The following ZNF273 variants were observed in gnomAD, a reference collection of about 807,000 sequenced individuals.
ZNF273 encodes the protein zinc finger protein 273, also known as zinc finger protein 9.
In ZNF273, 11 loss-of-function variants were observed where a neutral mutation model predicts 14.9. That is an observed-to-expected ratio of 0.74 (90% confidence interval 0.46 to 1.22). The LOEUF (loss-of-function observed/expected upper bound fraction) is 1.22, where lower values mean the gene tolerates loss of function less well. ZNF273 is among the 50% of genes most tolerant of loss of function. The pLI, the probability that ZNF273 is intolerant of heterozygous loss-of-function variation, is 0.00. For missense variants in ZNF273, 577 were observed against 660.6 expected (o/e 0.87, Z 1.39); for synonymous variants, 199 against 223.9 (o/e 0.89, Z 0.99).
intron 1 of ZNF273, chr7:64,917,015 C>G (rs1794055367): frequency 1.6e-6 from 2 of 1,271,348 alleles, no homozygotes; most frequent in African/African-American, 3.1e-5. Flanking sequence ...TAAAGGCTCT[C>G]ATCTTTGTTT....
intron 3 of ZNF273, chr7:64,924,100 C>G (rs1484030086): frequency 2.0e-5 from 3 of 150,980 alleles, no homozygotes; most frequent in Non-Finnish European, 4.4e-5. Context: ...CAAAAGCATG[C>G]TAAAGAATGT....
In ZNF273 at chr7:64,928,744, C is replaced by T. The variant is rs1225264267; in HGVS notation, c.1416C>T (p.Thr472=). 6.2e-7 allele frequency: 1 copy of T among 1,610,802 alleles called. No homozygotes were observed. Among genetic ancestry groups the T allele is most frequent in the South Asian group, 1.1e-5 (1 of 90,676 alleles). Residue 472 remains threonine, a synonymous_variant, in exon 4 of 4, where the codon ACC becomes ACT. Coordinates refer to ENST00000476120, the MANE Select transcript of ZNF273 (RefSeq NM_021148.3). Reference sequence around the variant, plus strand: ...GCAGTGCCTTTAGGGCATTCTCAACCCTTACTGAACATAAGAGAGTTCATA... The same window carrying T: ...GCAGTGCCTTTAGGGCATTCTCAACTCTTACTGAACATAAGAGAGTTCATA... The part of the protein sequence containing the change: ...ECGSAFRAFS[T]LTEHKRVHTG...
At position 64,885,386 on chromosome 7, in the gene ZNF273, C is replaced by T. The variant is rs78156642; in HGVS notation, n.273+2601C>T. Reference sequence around the variant, plus strand: ...GAAAACAGAAAAGGTTATTCCAGCCCTCCTCTCTTCTGCCCCTTCACTGTC... The same window carrying T: ...GAAAACAGAAAAGGTTATTCCAGCCTTCCTCTCTTCTGCCCCTTCACTGTC... On this transcript the variant is annotated intron_variant and non_coding_transcript_variant, in intron 1 of 1. Transcript: ENST00000471926. Among the ~76,000 whole-genome samples, 1,396 of 152,336 alleles carry T rather than the reference C, an allele frequency of 9.2e-3. 15 individuals carry two copies. Among genetic ancestry groups the T allele is most frequent in the African/African-American group, 0.032 (1,328 of 41,578 alleles).
intron 3 of ZNF273, among the ~76,000 whole-genome samples, chr7:64,925,692 C>G (rs1042845829): frequency 1.3e-5 from 2 of 152,030 alleles, no homozygotes; most frequent in African/African-American, 4.8e-5. Flanking sequence ...CCCGCCTTGG[C>G]CTCCCAAAGT....
intron 2 of ZNF273, among the ~76,000 whole-genome samples, chr7:64,878,683 A>G (rs1791178707): frequency 6.6e-6 from 1 of 152,222 alleles, no homozygotes; most frequent in African/African-American, 2.4e-5. Context: ...CTGGAGCCCA[A>G]ACTGTGGCCT....
downstream of ZNF273, among the ~76,000 whole-genome samples, chr7:64,932,522 G>A (rs987299814): frequency 6.6e-6 from 1 of 151,978 alleles, no homozygotes; most frequent in African/African-American, 2.4e-5. Context: ...GAGGCTGGTC[G>A]TGAACTCCTG....
intron 1 of ZNF273, among the ~76,000 whole-genome samples, chr7:64,914,041 C>T (rs535948926): frequency 1.3e-5 from 2 of 151,904 alleles, no homozygotes; most frequent in South Asian, 4.2e-4. Context: ...CAGATTTTTG[C>T]TCTGTCACCC....
At chr7:64,919,999 T>C (rs948379588) in intron 3 of ZNF273, among the ~76,000 whole-genome samples, 2 of 152,174 alleles carry the variant, frequency 1.3e-5, no homozygotes, top group African/African-American at 2.4e-5. Context: ...TAGTTTTGCA[T>C]TGGTGTCTGT....
upstream of ZNF273, chr7:64,903,168 C>A (rs137984160): frequency 9.6e-4 from 566 of 591,832 alleles, 12 homozygotes; most frequent in East Asian, 0.013. Flanking sequence ...CCTGAGGGGG[C>A]GGGTCCTTAA....
rs1295326958 is a variant in ZNF273, at chr7:64,917,500, T to C, written c.103-81T>C. The stretch of plus-strand genomic sequence containing the variant: ...AAGTAAAAACCAGTTCTCTTTACTT[T>C]CGCATTCCACCTTGAGTCAAATTAA... On this transcript the variant is annotated intron_variant, in intron 1 of 3. Coordinates refer to ENST00000476120, the MANE Select transcript of ZNF273 (RefSeq NM_021148.3). 8.4e-6 allele frequency: 13 copies of C among 1,542,588 alleles called. No individual in the cohort carries two copies. In the East Asian group the frequency reaches 3.2e-4, roughly 38 times the overall value.
downstream of ZNF273, among the ~76,000 whole-genome samples, chr7:64,891,220 A>G (rs1180919230): frequency 6.6e-6 from 1 of 152,232 alleles, no homozygotes; most frequent in Admixed American, 6.5e-5. Context: ...CTCTGGCCAT[A>G]TCTCTCTGTA....
At chr7:64,900,270 C>A (rs562859264), upstream of ZNF273, among the ~76,000 whole-genome samples, 395 of 152,058 alleles carry the variant, frequency 2.6e-3, 5 homozygotes, top group African/African-American at 9.2e-3. Context: ...GGGAATACAG[C>A]CTTGTGCCAC....
At chr7:64,878,141 G>T (rs144722038) in intron 1 of ZNF273, among the ~76,000 whole-genome samples, 311 of 152,134 alleles carry the variant, frequency 2.0e-3, no homozygotes, top group African/African-American at 7.2e-3. Context: ...CCTTTGGTGC[G>T]CCTCTCTGTG....
At chr7:64,901,006 AT>A (rs377332343), upstream of ZNF273, among the ~76,000 whole-genome samples, 52 of 95,110 alleles carry the variant, frequency 5.5e-4, no homozygotes, top group Non-Finnish European at 5.4e-4. Flanking sequence ...GCCTTTATTT[AT>A]TTTTTTTTTT....
chr7:64,885,221 GA>G (rs1316036584), intron 1 of ZNF273, among the ~76,000 whole-genome samples: 1 of 152,176 alleles, frequency 6.6e-6, no homozygotes, highest in Non-Finnish European at 1.5e-5. Flanking sequence ...CCAGCCTTAG[GA>G]ATCGTCAACA....
At chr7:64,931,663 G>T (rs1794994966), downstream of ZNF273, among the ~76,000 whole-genome samples, 1 of 151,666 alleles carries the variant, frequency 6.6e-6, no homozygotes, top group African/African-American at 2.4e-5. Context: ...TATTGAATTT[G>T]TTCAGGTAAG....
chr7:64,923,754 A>G (rs1794635805), intron 3 of ZNF273: 1 of 177,346 alleles, frequency 5.6e-6, no homozygotes, highest in Non-Finnish European at 1.2e-5. Context: ...GGGTATGAAA[A>G]TGACTCTTCA....
At chr7:64,921,131 C>T (rs1390765224) in intron 3 of ZNF273, among the ~76,000 whole-genome samples, 1 of 151,574 alleles carries the variant, frequency 6.6e-6, no homozygotes, top group Non-Finnish European at 1.5e-5. Flanking sequence ...ATGGCATGAT[C>T]TCAGCTCACT....
In ZNF273 at chr7:64,928,057, T is replaced by C. The variant is rs773460076; in HGVS notation, c.729T>C (p.Phe243=). The change falls in exon 4 of 4, where the codon TTT becomes TTC. Residue 243 remains phenylalanine, a synonymous_variant. Coordinates refer to ENST00000476120, the MANE Select transcript of ZNF273 (RefSeq NM_021148.3). ...FYKCKTCGKA[F]NQFSNLTKHK... is the part of the protein sequence containing the mutation. ...AATGTAAGACATGTGGAAAAGCCTT[T>C]AACCAGTTCTCAAATCTTACTAAAC... 57 of 1,613,600 alleles carry C rather than the reference T, an allele frequency of 3.5e-5. 1 individual carries two copies. The highest frequency in any genetic ancestry group is 4.2e-5 in the Non-Finnish European group (50 of 1,179,710).
Sources: gnomAD v4.1 joint callset for allele counts (sites outside exome capture counted in the v4.1 genomes callset) on GRCh38, gnomAD v4.1.1 for gene constraint, MANE v1.5 for transcripts, NCBI Gene and HGNC (gene_info 2026-07-23, HGNC 2026-07-21) for gene names.